The following KDM3A variants were observed in gnomAD, a reference collection of about 807,000 sequenced individuals.
KDM3A encodes the protein lysine-specific demethylase 3A.
A neutral mutation model predicts 158.0 loss-of-function variants in KDM3A; 60 were observed. The observed-to-expected ratio is 0.38, with a 90% confidence interval of 0.31 to 0.47. The LOEUF (loss-of-function observed/expected upper bound fraction) is 0.47. KDM3A is among the 20% of genes least tolerant of loss of function. KDM3A has a pLI of 0.99. For missense variants in KDM3A, 1,319 were observed against 1,574.3 expected (o/e 0.84, Z 2.74); for synonymous variants, 608 against 549.3 (o/e 1.11, Z -1.49).
chr2:86,454,746 T>G (rs746636892), intron 4 of KDM3A, among the ~76,000 whole-genome samples: 1 of 152,208 alleles, frequency 6.6e-6, no homozygotes, highest in Non-Finnish European at 1.5e-5. Context: ...GGATACAGAG[T>G]GTTTTTTACT....
At chr2:86,456,946 C>A in intron 7 of KDM3A, 37 bp from the exon 8 acceptor site, 1 of 1,569,078 alleles carries the variant, frequency 6.4e-7, no homozygotes, top group East Asian at 2.3e-5. Context: ...TTAAGAGAAA[C>A]AGGGAAGCCA....
At position 86,451,187 on chromosome 2, in the gene KDM3A, T is replaced by C; in HGVS notation, c.427T>C (p.Ser143Pro). ...FLGDQQRVFL[S>P]KDLLKPIQDV... ...GGGAGATCAACAAAGAGTATTTCTT[T>C]CTAAAGACCTTTTGAAGCCTATACA... Residue 143 changes from serine to proline, a missense_variant, in exon 4 of 26, where the codon TCT becomes CCT. Physicochemically the swap from Ser to Pro is moderately conservative, Grantham distance 74. This residue lies in a region of KDM3A where 652 missense variants were observed against 627.2 expected (regional missense o/e 1.04). Transcript: ENST00000312912. 3 of 1,609,384 alleles carry C rather than the reference T, an allele frequency of 1.9e-6. No individual in the cohort carries two copies. The highest frequency in any genetic ancestry group is 2.5e-6 in the Non-Finnish European group (3 of 1,178,160).
At chr2:86,472,871 C>A (rs1673481089) in intron 11 of KDM3A, among the ~76,000 whole-genome samples, 1 of 152,148 alleles carries the variant, frequency 6.6e-6, no homozygotes, top group African/African-American at 2.4e-5. Flanking sequence ...ACCCTGTTCA[C>A]CTCTAGTTTT....
At chr2:86,487,440 C>T (rs1674233862) in intron 21 of KDM3A, 1 of 152,184 alleles carries the variant, frequency 6.6e-6, no homozygotes, top group Non-Finnish European at 1.5e-5. Context: ...AGAGTAAGTG[C>T]AAAGGCTCTT....
At chr2:86,473,339 T>G (rs1021119350) in intron 11 of KDM3A, among the ~76,000 whole-genome samples, 1 of 152,140 alleles carries the variant, frequency 6.6e-6, no homozygotes, top group Non-Finnish European at 1.5e-5. Flanking sequence ...TAGAAAAATT[T>G]TTTTTTGTAG....
chr2:86,451,245 A>C (rs773544304), intron 4 of KDM3A, 32 bp downstream of exon 4: 3 of 1,390,962 alleles, frequency 2.2e-6, no homozygotes, highest in African/African-American at 2.9e-5. Flanking sequence ...AAACATTAGA[A>C]ACAGAAATAC....
At chr2:86,470,833 T>A (rs1427714681) in intron 11 of KDM3A, among the ~76,000 whole-genome samples, 1 of 152,230 alleles carries the variant, frequency 6.6e-6, no homozygotes, top group Admixed American at 6.5e-5. Flanking sequence ...CATAACCTTT[T>A]TCTTTAAATA....
intron 8 of KDM3A, among the ~76,000 whole-genome samples, chr2:86,459,534 C>T (rs147714502): frequency 3.3e-5 from 5 of 152,154 alleles, no homozygotes; most frequent in East Asian, 1.9e-4. Context: ...ATAGGAATGA[C>T]GTATCCTGTT....
chr2:86,447,610 C>G lies in KDM3A; in HGVS notation c.187-2197C>G, dbSNP rs527600822. 8.2e-4 allele frequency among the ~76,000 whole-genome samples: 125 copies of G among 152,272 alleles called. 1 individual carries two copies. Among genetic ancestry groups the G allele is most frequent in the Non-Finnish European group, 7.6e-4 (52 of 68,018 alleles). On this transcript the variant is annotated intron_variant, in intron 2 of 25. Transcript: ENST00000312912. Reference sequence around the variant, plus strand: ...TGTCTTGCCAGACACTTTACATACACTGTCTTTTAAAATATGCCTAACTAT... The same window carrying G: ...TGTCTTGCCAGACACTTTACATACAGTGTCTTTTAAAATATGCCTAACTAT...
At position 86,485,757 on chromosome 2, in the gene KDM3A, C is replaced by T; in HGVS notation, c.3211C>T (p.Leu1071=). The T allele has an allele frequency of 2.5e-6, 4 of 1,614,114 alleles. No homozygotes were observed. The highest frequency in any genetic ancestry group is 2.5e-6 in the Non-Finnish European group (3 of 1,179,978). ...RFDDLMANIP[L]PEYTRRDGKL... Reference sequence around the variant, plus strand: ...TGATGATCTGATGGCCAACATTCCACTGCCCGAGTACACAAGGCGAGATGG... The same window carrying T: ...TGATGATCTGATGGCCAACATTCCATTGCCCGAGTACACAAGGCGAGATGG... Residue 1071 remains leucine (L), a synonymous_variant, in exon 21 of 26, where the codon CTG becomes TTG. Coordinates refer to ENST00000312912, the MANE Select transcript of KDM3A (RefSeq NM_018433.6).
At chr2:86,465,971 T>G (rs1473845804) in intron 9 of KDM3A, among the ~76,000 whole-genome samples, 1 of 151,092 alleles carries the variant, frequency 6.6e-6, no homozygotes, top group Non-Finnish European at 1.5e-5. Context: ...GAAAGAAAAC[T>G]TTCGGAATTG....
chr2:86,474,929 A>G lies in KDM3A; in HGVS notation c.1878A>G (p.Gly626=). The part of the protein sequence containing the change: ...DTAKYILANI[G]DHFCQMVISE... The stretch of plus-strand genomic sequence containing the variant: ...CAAAGTACATCTTGGCCAACATTGG[A>G]GACCACTTCTGTCAAATGGTGATTT... Residue 626 remains glycine, a synonymous_variant, in exon 12 of 26, where the codon GGA becomes GGG. Coordinates refer to ENST00000312912, the MANE Select transcript of KDM3A (RefSeq NM_018433.6). 6.2e-7 allele frequency: 1 copy of G among 1,614,090 alleles called. No individual in the cohort carries two copies. The highest frequency in any genetic ancestry group is 8.5e-7 in the Non-Finnish European group (1 of 1,180,000).
intron 8 of KDM3A, among the ~76,000 whole-genome samples, chr2:86,462,785 A>G (rs1212930914): frequency 1.3e-5 from 2 of 152,154 alleles, no homozygotes; most frequent in Non-Finnish European, 2.9e-5. Flanking sequence ...AATATATTCG[A>G]AATTGTCAGG....
upstream of KDM3A, chr2:86,441,209 G>GT (rs879537223): frequency 2.4e-4 from 37 of 152,418 alleles, no homozygotes; most frequent in Non-Finnish European, 3.7e-4. Flanking sequence ...CCAAGGAATT[G>GT]TTTTTTTCTC....
chr2:86,489,807 G>T, intron 23 of KDM3A, 148 bp downstream of exon 23: 1 of 744,004 alleles, frequency 1.3e-6, no homozygotes. Flanking sequence ...GGCTGAAGGT[G>T]GTTGCTAAGG....
intron 2 of KDM3A, among the ~76,000 whole-genome samples, chr2:86,442,906 T>C (rs1010212152): frequency 1.3e-5 from 2 of 152,030 alleles, no homozygotes; most frequent in Non-Finnish European, 2.9e-5. Flanking sequence ...CTTGGACGCA[T>C]GAGGGGAGGG....
chr2:86,480,411 C>A, intron 16 of KDM3A, 49 bp downstream of exon 16: 1 of 1,498,722 alleles, frequency 6.7e-7, no homozygotes, highest in Non-Finnish European at 9.1e-7. Context: ...TTAGTCCATT[C>A]GTGGAAGGAC....
rs1032086077 is a variant in KDM3A at position 86,482,784 on chromosome 2, C to T, written c.2922+90C>T. 6.7e-6 allele frequency: 8 copies of T among 1,193,354 alleles called. No homozygotes were observed. The African/African-American group carries it at 1.2e-4, about 18-fold the overall frequency. 73.9% of individuals were successfully genotyped at this position (1,193,354 alleles called of 1,614,324 possible). ...TCTGACAACCCCACCCCAGGCTTTC[C>T]CCCTCCTTCACCTCCTGTTTTATTC... On this transcript the variant is annotated intron_variant, in intron 18 of 25. Transcript: ENST00000312912.
rs1377528842 is a variant in KDM3A, at chr2:86,492,031, A to G, written c.3886-8A>G. The stretch of plus-strand genomic sequence containing the variant: ...TAAAATGCCCATATTTTCTCCTACT[A>G]TTTTTAGGTGAAGAATGTTATCTAC... On this transcript the variant is annotated splice_polypyrimidine_tract_variant and splice_region_variant and intron_variant, in intron 25 of 25. Coordinates refer to ENST00000312912, the MANE Select transcript of KDM3A (RefSeq NM_018433.6). 5.0e-6 allele frequency: 8 copies of G among 1,599,868 alleles called. No individual in the cohort carries two copies. The highest frequency in any genetic ancestry group is 3.4e-5 in the Admixed American group (2 of 59,600).
Sources: allele counts gnomAD v4.1 joint callset (sites outside exome capture counted in the v4.1 genomes callset), GRCh38; gene constraint gnomAD v4.1.1; regional missense constraint gnomAD v4.1.1; transcripts MANE v1.5; gene names NCBI Gene and HGNC (gene_info 2026-07-23, HGNC 2026-07-21).